ADGRF1: variants seen among roughly 807,000 people sequenced by gnomAD.
The protein encoded by ADGRF1 is adhesion G protein-coupled receptor F1.
Under a neutral mutation model 87.2 loss-of-function variants are expected in ADGRF1, and 85 were observed. The ratio of observed to expected loss-of-function variants is 0.97; its 90% CI spans 0.82 to 1.17. The LOEUF (loss-of-function observed/expected upper bound fraction) is 1.17, where lower values mean the gene tolerates loss of function less well. ADGRF1 is among the 50% of genes most tolerant of loss of function. The probability of loss-of-function intolerance (pLI) is 0.00; values close to 1 mark genes in which losing one functional copy is unlikely to be tolerated. For missense variants in ADGRF1, 1,169 were observed against 1,077.2 expected, an observed-to-expected ratio of 1.09 and a Z score of -1.19; for synonymous variants, 430 against 408.8, an observed-to-expected ratio of 1.05 and a Z score of -0.63.
In ADGRF1 at chr6:47,010,149, A is replaced by T; in HGVS notation, c.1286T>A (p.Ile429Asn). 1 of 1,614,166 alleles carries T rather than the reference A, an allele frequency of 6.2e-7. No individual in the cohort carries two copies. Among genetic ancestry groups the T allele is most frequent in the Non-Finnish European group, 8.5e-7 (1 of 1,180,010 alleles). The change falls in exon 11 of 15, where the codon ATT (isoleucine) becomes AAT (asparagine). Residue 429 changes from isoleucine to asparagine, a missense_variant. By Grantham distance (149) the Ile-to-Asn change is moderately radical. Coordinates refer to ENST00000371253, the MANE Select transcript of ADGRF1 (RefSeq NM_153840.4). ...ALPLNFSRKF[I>N]DWKGIPVNKS... ...GTTCACTGGAATCCCTTTCCAGTCAATGAATTTCCGAGAAAAATTCAGAGG... is the reference window on the plus strand; with the variant it reads ...GTTCACTGGAATCCCTTTCCAGTCATTGAATTTCCGAGAAAAATTCAGAGG...
At chr6:47,040,254 G>A (rs1780698123) in intron 1 of ADGRF1, among the ~76,000 whole-genome samples, 3 of 152,084 alleles carry the variant, frequency 2.0e-5, no homozygotes, top group African/African-American at 4.8e-5. Context: ...CACGAGGTCA[G>A]GAGATCAGGA....
In ADGRF1 at chr6:47,024,155, G is replaced by C. The variant is rs899929104; in HGVS notation, c.340C>G (p.Pro114Ala). Residue 114 changes from proline to alanine, a missense_variant, in exon 5 of 15, where the codon CCC becomes GCC. Pro to Ala is a conservative substitution (Grantham distance 27). Coordinates refer to ENST00000371253, the MANE Select transcript of ADGRF1 (RefSeq NM_153840.4). ...TCEDSYTWFPPSCLDPQNCYL... is the reference protein window; with the variant it reads ...TCEDSYTWFPASCLDPQNCYL... ...CAGTTCTGGGGATCAAGGCATGAGGGAGGAAACCAGGTGTAGCTGTCTTCA... is the reference window on the plus strand; with the variant it reads ...CAGTTCTGGGGATCAAGGCATGAGGCAGGAAACCAGGTGTAGCTGTCTTCA... 3 of 1,613,938 alleles carry C rather than the reference G, an allele frequency of 1.9e-6. No individual in the cohort carries two copies. The African/African-American group carries it at 4.0e-5, about 22-fold the overall frequency.
intron 5 of ADGRF1, among the ~76,000 whole-genome samples, 166 bp downstream of exon 5, chr6:47,023,878 A>T (rs1328517339): frequency 3.9e-5 from 6 of 152,192 alleles, no homozygotes; most frequent in Admixed American, 3.9e-4. Flanking sequence ...CTTCTGTACT[A>T]TGAAAGTTCT....
At chr6:47,007,360 A>G (rs952662037) in intron 11 of ADGRF1, 66 bp from the exon 12 acceptor site, 2 of 918,878 alleles carry the variant, frequency 2.2e-6, no homozygotes, top group Non-Finnish European at 1.8e-6. Context: ...AAGCATTTAT[A>G]TGTAACACTA....
intron 11 of ADGRF1, among the ~76,000 whole-genome samples, chr6:47,008,198 C>A (rs569256412): frequency 6.6e-6 from 1 of 152,198 alleles, no homozygotes; most frequent in Non-Finnish European, 1.5e-5. Flanking sequence ...TTAACCACCA[C>A]TTCCCTGAGT....
At chr6:47,010,582 A>G (rs967074684) in intron 10 of ADGRF1, among the ~76,000 whole-genome samples, 1 of 152,186 alleles carries the variant, frequency 6.6e-6, no homozygotes, top group African/African-American at 2.4e-5. Context: ...TTCAGGATGA[A>G]TGAGAAAGAA....
At chr6:47,011,031 A>G (rs1348492232) in intron 10 of ADGRF1, among the ~76,000 whole-genome samples, 1 of 152,196 alleles carries the variant, frequency 6.6e-6, no homozygotes, top group African/African-American at 2.4e-5. Context: ...ACTCTGACCC[A>G]GCCCTCTTTG....
intron 9 of ADGRF1, chr6:47,013,560 C>T: frequency 1.0e-6 from 1 of 985,522 alleles, no homozygotes; most frequent in Non-Finnish European, 1.2e-6. Context: ...TTTTCTGTGA[C>T]TTGAGTTCTT....
At chr6:47,016,380 C>G (rs570598572) in intron 8 of ADGRF1, among the ~76,000 whole-genome samples, 1 of 152,196 alleles carries the variant, frequency 6.6e-6, no homozygotes, top group Non-Finnish European at 1.5e-5. Flanking sequence ...AGTCAGTTCT[C>G]CACACTGTTT....
intron 1 of ADGRF1, among the ~76,000 whole-genome samples, chr6:47,039,924 T>A (rs1183353593): frequency 6.6e-6 from 1 of 151,884 alleles, no homozygotes; most frequent in Non-Finnish European, 1.5e-5. Flanking sequence ...ATTGTGCCGC[T>A]GCACTCCAGC....
At position 47,010,291 on chromosome 6, in the gene ADGRF1, G is replaced by C. The variant is rs1387846853; in HGVS notation, c.1144C>G (p.Leu382Val). Reference sequence around the variant, plus strand: ...CAGTTGGTTACTGAGGCTGAATTAAGGATATTGTCAGCTATACTGATGACA... The same window carrying C: ...CAGTTGGTTACTGAGGCTGAATTAACGATATTGTCAGCTATACTGATGACA... Reference protein sequence around the residue: ...EDVISIADNILNSASVTNWTV... With the variant: ...EDVISIADNIVNSASVTNWTV... Residue 382 changes from leucine to valine, a missense_variant, in exon 11 of 15, where the codon CTT becomes GTT. Coordinates refer to ENST00000371253, the MANE Select transcript of ADGRF1 (RefSeq NM_153840.4). 6.2e-7 allele frequency: 1 copy of C among 1,611,718 alleles called. No homozygotes were observed. The highest frequency in any genetic ancestry group is 8.5e-7 in the Non-Finnish European group (1 of 1,178,860).
intron 2 of ADGRF1, among the ~76,000 whole-genome samples, chr6:47,028,542 C>A (rs1286837903): frequency 2.0e-5 from 3 of 152,134 alleles, no homozygotes; most frequent in Non-Finnish European, 4.4e-5. Context: ...TGAGTGTGGA[C>A]AGGGGAGAGG....
chr6:47,017,114 T>A (rs2113889622), intron 7 of ADGRF1: 1 of 152,726 alleles, frequency 6.5e-6, no homozygotes, highest in South Asian at 2.1e-4. Flanking sequence ...CAAAGAACAC[T>A]GGTGTGGAAT....
chr6:47,030,370 A>G (rs1034061680), intron 1 of ADGRF1, among the ~76,000 whole-genome samples: 1 of 152,104 alleles, frequency 6.6e-6, no homozygotes, highest in Non-Finnish European at 1.5e-5. Flanking sequence ...TTGAAAATCT[A>G]TTGCTTTAAA....
intron 1 of ADGRF1, among the ~76,000 whole-genome samples, chr6:47,031,914 T>C (rs1582188718): frequency 6.6e-6 from 1 of 152,204 alleles, no homozygotes; most frequent in East Asian, 1.9e-4. Flanking sequence ...TTTCACTATA[T>C]TGTCCAAGCT....
At chr6:47,024,005 T>C in intron 5 of ADGRF1, 39 bp downstream of exon 5, 2 of 1,575,500 alleles carry the variant, frequency 1.3e-6, no homozygotes, top group Non-Finnish European at 1.7e-6. Context: ...CATGTTGGGG[T>C]GGGAGAAGCC....
At chr6:47,023,652 G>T (rs1780138173) in intron 5 of ADGRF1, among the ~76,000 whole-genome samples, 1 of 152,186 alleles carries the variant, frequency 6.6e-6, no homozygotes, top group Non-Finnish European at 1.5e-5. Flanking sequence ...ATTCCTCCCT[G>T]CATTCATATC....
intron 7 of ADGRF1, chr6:47,019,264 T>G (rs965773810): frequency 2.1e-6 from 2 of 949,498 alleles, no homozygotes; most frequent in Non-Finnish European, 2.5e-6. Context: ...TATGATCAAC[T>G]GTATAAACCT....
Position 47,014,655 on chromosome 6 carries a change from A to G in ADGRF1, c.927+26T>C, listed in dbSNP as rs767089097. The G allele has an allele frequency of 3.1e-6, 5 of 1,604,278 alleles. No individual in the cohort carries two copies. The South Asian group carries it at 5.6e-5, about 18-fold the overall frequency. On this transcript the variant is annotated intron_variant, in intron 9 of 14. Transcript: ENST00000371253. ...CCACTCTGAAACTCAAGACCAGGGC[A>G]AGTCTACACAGTGAAAATGCCTCAC...
Sources: allele counts gnomAD v4.1 joint callset (sites outside exome capture counted in the v4.1 genomes callset), GRCh38; gene constraint gnomAD v4.1.1; transcripts MANE v1.5; gene names NCBI Gene and HGNC (gene_info 2026-07-23, HGNC 2026-07-21).